FAF1: variants seen among roughly 807,000 people sequenced by gnomAD.
The protein encoded by FAF1 is Fas associated factor 1, also known as FAS-associated factor 1.
A neutral mutation model predicts 92.5 loss-of-function variants in FAF1; 25 were observed. That is an observed-to-expected ratio of 0.27 (90% CI 0.20 to 0.38). FAF1 has a LOEUF of 0.38. Among genes scored for constraint, FAF1 ranks in the 10% least tolerant of loss-of-function variants. The pLI is 1.00. For synonymous variants in FAF1, 234 were observed against 273.2 expected, an observed-to-expected ratio of 0.86 and a Z score of 1.42; for missense variants, 636 against 793.3, an observed-to-expected ratio of 0.80 and a Z score of 2.38.
At chr1:50,773,903 C>T (rs1403228958) in intron 4 of FAF1, among the ~76,000 whole-genome samples, 1 of 152,176 alleles carries the variant, frequency 6.6e-6, no homozygotes, top group African/African-American at 2.4e-5. Flanking sequence ...CTAAAATGTA[C>T]ACATGTATTG....
chr1:50,505,953 A>G (rs1230696284), intron 15 of FAF1, among the ~76,000 whole-genome samples: 2 of 152,222 alleles, frequency 1.3e-5, no homozygotes, highest in Non-Finnish European at 2.9e-5. Context: ...TGTTCATTAC[A>G]AAAAAATCAG....
intron 1 of FAF1, among the ~76,000 whole-genome samples, chr1:50,951,930 G>T (rs1233851147): frequency 6.6e-6 from 1 of 152,152 alleles, no homozygotes; most frequent in Non-Finnish European, 1.5e-5. Flanking sequence ...ACTCCATTTA[G>T]AAAGAGAAAA....
At position 50,771,767 on chromosome 1, in the gene FAF1, G is replaced by A. The variant is rs12569187; in HGVS notation, c.367+16233C>T. Among the ~76,000 whole-genome samples the A allele has an allele frequency of 4.1e-4, 63 of 152,274 alleles. No individual in the cohort carries two copies. The East Asian group carries it at 0.01, about 25-fold the overall frequency. ...AATACAAAAATCAGCTGGGCGTGGT[G>A]GTGGGCGCCTGTAATCCCAGCTACT... is the stretch of plus-strand genomic sequence containing the variant. On this transcript the variant is annotated intron_variant, in intron 4 of 18. Coordinates refer to ENST00000396153, the MANE Select transcript of FAF1 (RefSeq NM_007051.3).
At chr1:50,629,551 G>C (rs1274465616) in intron 8 of FAF1, among the ~76,000 whole-genome samples, 1 of 152,158 alleles carries the variant, frequency 6.6e-6, no homozygotes, top group Non-Finnish European at 1.5e-5. Flanking sequence ...GAAAGGATAA[G>C]AACTTGGGAT....
intron 15 of FAF1, among the ~76,000 whole-genome samples, chr1:50,529,236 A>T (rs1648006900): frequency 6.6e-6 from 1 of 152,218 alleles, no homozygotes; most frequent in Non-Finnish European, 1.5e-5. Flanking sequence ...TTGTTGAGCC[A>T]TGATCCATTT....
chr1:50,763,027 A>G (rs1660393025), intron 4 of FAF1, among the ~76,000 whole-genome samples: 1 of 152,110 alleles, frequency 6.6e-6, no homozygotes. Flanking sequence ...AGGCCAAGGC[A>G]GGTGATCACC....
intron 15 of FAF1, among the ~76,000 whole-genome samples, chr1:50,512,044 T>C (rs1299975791): frequency 6.6e-6 from 1 of 152,208 alleles, no homozygotes; most frequent in African/African-American, 2.4e-5. Flanking sequence ...AAGTCTTCTT[T>C]TGAGAAGTGT....
At chr1:50,739,013 T>G in intron 5 of FAF1, 59 bp from the exon 6 acceptor site, 1 of 1,073,100 alleles carries the variant, frequency 9.3e-7, no homozygotes, top group East Asian at 2.5e-5. Context: ...CATTATTGAT[T>G]TTTCCTGTAA....
chr1:50,822,940 A>G (rs1644058417), intron 2 of FAF1, among the ~76,000 whole-genome samples: 1 of 151,800 alleles, frequency 6.6e-6, no homozygotes, highest in Admixed American at 6.6e-5. Flanking sequence ...ACACCCAGCT[A>G]ATTTTGTATT....
chr1:50,885,981 C>T (rs1040737680), intron 1 of FAF1, among the ~76,000 whole-genome samples: 4 of 152,166 alleles, frequency 2.6e-5, no homozygotes, highest in African/African-American at 9.7e-5. Flanking sequence ...CACTCTACAT[C>T]TTAACATCAG....
chr1:50,873,358 T>C (rs1249537777), intron 1 of FAF1, among the ~76,000 whole-genome samples: 3 of 152,192 alleles, frequency 2.0e-5, no homozygotes. Context: ...GATGCCTTTT[T>C]CCCCTATGGC....
chr1:50,752,059 T>C (rs1490035841), intron 4 of FAF1, among the ~76,000 whole-genome samples: 1 of 152,174 alleles, frequency 6.6e-6, no homozygotes, highest in African/African-American at 2.4e-5. Context: ...AACCTCCGCC[T>C]CCCAGGTTCA....
At chr1:50,888,427 T>A (rs1644688332) in intron 1 of FAF1, among the ~76,000 whole-genome samples, 2 of 152,200 alleles carry the variant, frequency 1.3e-5, no homozygotes, top group African/African-American at 4.8e-5. Context: ...AAAGAAGTGG[T>A]GAGAGAGGGC....
chr1:50,786,456 G>A (rs1164970532), intron 4 of FAF1, among the ~76,000 whole-genome samples: 1 of 152,202 alleles, frequency 6.6e-6, no homozygotes, highest in Non-Finnish European at 1.5e-5. Context: ...TGAGGGAGGG[G>A]AAAATGGAAA....
intron 9 of FAF1, among the ~76,000 whole-genome samples, chr1:50,587,207 T>C (rs900043961): frequency 1.3e-5 from 2 of 152,204 alleles, no homozygotes; most frequent in African/African-American, 4.8e-5. Flanking sequence ...AACAGGACCT[T>C]ACTTCATACT....
intron 1 of FAF1, among the ~76,000 whole-genome samples, chr1:50,953,097 A>G (rs571130261): frequency 1.3e-5 from 2 of 152,344 alleles, no homozygotes; most frequent in South Asian, 2.1e-4. Context: ...CCTTACCCCC[A>G]ATCCCGTGCT....
intron 18 of FAF1, among the ~76,000 whole-genome samples, chr1:50,445,235 G>A (rs1219495811): frequency 1.3e-5 from 2 of 152,092 alleles, no homozygotes; most frequent in Non-Finnish European, 2.9e-5. Flanking sequence ...CTCATCCCCT[G>A]CAACCTTCCC....
At chr1:50,724,092 G>T (rs987010660) in intron 6 of FAF1, among the ~76,000 whole-genome samples, 5 of 152,026 alleles carry the variant, frequency 3.3e-5, no homozygotes, top group Admixed American at 6.6e-5. Context: ...AGCCAAGCAT[G>T]ATGGCACATG....
At chr1:50,454,962 A>G (rs1259358310) in intron 18 of FAF1, among the ~76,000 whole-genome samples, 1 of 152,204 alleles carries the variant, frequency 6.6e-6, no homozygotes, top group African/African-American at 2.4e-5. Context: ...TGAATGACTA[A>G]ATGGAAACTC....
Sources: gnomAD v4.1 joint callset for allele counts (sites outside exome capture counted in the v4.1 genomes callset) on GRCh38, gnomAD v4.1.1 for gene constraint, MANE v1.5 for transcripts, NCBI Gene and HGNC (gene_info 2026-07-23, HGNC 2026-07-21) for gene names.